The following CNOT11 variants were observed in gnomAD, a reference collection of about 807,000 sequenced individuals.
CNOT11 encodes the protein CCR4-NOT transcription complex subunit 11, also known as UPF0760 protein C2orf29.
CNOT11 carries 18 observed loss-of-function variants against 44.6 expected under a neutral mutation model. The observed-to-expected ratio is 0.40, with a 90% CI of 0.28 to 0.60. The LOEUF is 0.60. CNOT11 is among the 20% of genes least tolerant of loss of function. CNOT11 has a pLI of 0.38. For synonymous variants in CNOT11, 291 were observed against 270.9 expected (o/e 1.07, Z -0.73); for missense variants, 513 against 677.0 (o/e 0.76, Z 2.69).
intron 3 of CNOT11, among the ~76,000 whole-genome samples, chr2:101,263,126 CAGG>C (rs1237674970): frequency 6.6e-6 from 1 of 151,760 alleles, no homozygotes; most frequent in Non-Finnish European, 1.5e-5. Context: ...GAGGCTGAGT[CAGG>C]AGAATTGCTG....
At chr2:101,259,785 C>A (rs1251739936) in intron 2 of CNOT11, among the ~76,000 whole-genome samples, 2 of 152,260 alleles carry the variant, frequency 1.3e-5, no homozygotes, top group South Asian at 2.1e-4. Flanking sequence ...TACCTATAAT[C>A]CCAGCAGTTT....
intron 2 of CNOT11, among the ~76,000 whole-genome samples, chr2:101,259,039 T>A (rs1401408935): frequency 6.6e-6 from 1 of 151,618 alleles, no homozygotes; most frequent in Non-Finnish European, 1.5e-5. Flanking sequence ...GAGGCTTAAG[T>A]GGGAGAATCA....
At chr2:101,262,370 A>G in intron 2 of CNOT11, 169 bp from the exon 3 acceptor site, 1 of 564,214 alleles carries the variant, frequency 1.8e-6, no homozygotes, top group African/African-American at 1.9e-5. Context: ...GAACCTTTCA[A>G]CAACGCTAAG....
In CNOT11 at chr2:101,262,302, A is replaced by T. The variant is rs1350011207; in HGVS notation, c.680-237A>T. On this transcript the variant is annotated intron_variant, in intron 2 of 6. Transcript: ENST00000289382. ...TGTTTCATCAACATTGTTTTATTAT[A>T]ACATTGATAAAAATAGTTGTTTTGT... 6.5e-6 allele frequency: 3 copies of T among 459,098 alleles called. 1 individual carries two copies. The Admixed American group carries it at 1.1e-4, about 16-fold the overall frequency. The allele number at this position is 459,098 out of a possible 1,614,324, so 28.4% of individuals were successfully genotyped here.
At chr2:101,255,809 G>A (rs1046611068) in intron 1 of CNOT11, among the ~76,000 whole-genome samples, 3 of 152,148 alleles carry the variant, frequency 2.0e-5, no homozygotes, top group African/African-American at 7.2e-5. Flanking sequence ...ATGCAGGAGG[G>A]AGGGCAGGAG....
At position 101,266,916 on chromosome 2, in the gene CNOT11, A is replaced by G. The variant is rs776621134; in HGVS notation, c.1238+37A>G. On this transcript the variant is annotated intron_variant, in intron 5 of 6. Coordinates refer to ENST00000289382, the MANE Select transcript of CNOT11 (RefSeq NM_017546.5). The stretch of plus-strand genomic sequence containing the variant: ...GATTTGATCAAATGTGTGGGGATAG[A>G]TACAGATTAGATGGCCAGGAAAGAA... 17 of 1,500,344 alleles carry G rather than the reference A, an allele frequency of 1.1e-5. No individual in the cohort carries two copies. In the Middle Eastern group the frequency reaches 6.8e-4, roughly 60 times the overall value. The allele number at this position is 1,500,344 out of a possible 1,614,324, so 92.9% of individuals were successfully genotyped here.
At chr2:101,259,552 A>C (rs1681806089) in intron 2 of CNOT11, among the ~76,000 whole-genome samples, 1 of 152,204 alleles carries the variant, frequency 6.6e-6, no homozygotes, top group South Asian at 2.1e-4. Flanking sequence ...CTCAACAGGG[A>C]AATTGTAATA....
At chr2:101,268,494 C>T (rs772508690) in intron 5 of CNOT11, among the ~76,000 whole-genome samples, 1 of 152,202 alleles carries the variant, frequency 6.6e-6, no homozygotes, top group African/African-American at 2.4e-5. Context: ...ACGTGAAACA[C>T]GTTTTTTGGC....
Position 101,269,450 on chromosome 2 carries a change from G to C in CNOT11, c.*37G>C. ...AACCATCCCATCCATTCACTGTTCAGCTGTACTGTGATTTAGTTTTTACAC... is the reference window on the plus strand; with the variant it reads ...AACCATCCCATCCATTCACTGTTCACCTGTACTGTGATTTAGTTTTTACAC... On this transcript the variant is annotated 3_prime_UTR_variant, in exon 7 of 7. Transcript: ENST00000289382. The surrounding 1 kb of genome is among the most constrained non-coding windows in gnomAD (Gnocchi z 4.8). The C allele has an allele frequency of 6.3e-7, 1 of 1,581,036 alleles. No homozygotes were observed.
chr2:101,259,071 CT>C (rs150747348), intron 2 of CNOT11, among the ~76,000 whole-genome samples: 4,711 of 152,000 alleles, frequency 0.031, 94 homozygotes, highest in Non-Finnish European at 0.048. Context: ...GAGATCGAGG[CT>C]GCAGTGAGCT....
Position 101,252,928 on chromosome 2 carries a change from C to A in CNOT11, c.-37C>A. 1 of 1,401,708 alleles carries A rather than the reference C, an allele frequency of 7.1e-7. No individual in the cohort carries two copies. Among genetic ancestry groups the A allele is most frequent in the South Asian group, 1.6e-5 (1 of 64,492 alleles). 86.8% of individuals were successfully genotyped at this position (1,401,708 alleles called of 1,614,324 possible). ...GGACGGAGCGAGCCGGCGCCAGGGC[C>A]CCTCGGGCCGGGAAGAGGGGAAGGG... On this transcript the variant is annotated 5_prime_UTR_variant, in exon 1 of 7. Transcript: ENST00000289382.
intron 1 of CNOT11, among the ~76,000 whole-genome samples, chr2:101,257,566 T>C (rs1264243957): frequency 6.6e-6 from 1 of 152,172 alleles, no homozygotes; most frequent in African/African-American, 2.4e-5. Context: ...AGTTAACAAG[T>C]ACAAAAACCT....
intron 1 of CNOT11, among the ~76,000 whole-genome samples, chr2:101,254,421 C>T (rs574345932): frequency 5.3e-5 from 8 of 152,160 alleles, no homozygotes; most frequent in East Asian, 1.9e-4. Context: ...GTGTTCCTGC[C>T]GGGCATCCCA....
At chr2:101,262,458 CAGATAGCTTGCCTCAGTTGGT>C in intron 2 of CNOT11, 60 bp from the exon 3 acceptor site, 1 of 1,301,666 alleles carries the variant, frequency 7.7e-7, no homozygotes, top group South Asian at 1.2e-5. Flanking sequence ...TTCTCTGTTA[CAGATAGCTTGCCTCAGTTGGT>C]AGCTTGTCTT....
intron 1 of CNOT11, 140 bp from the exon 2 acceptor site, chr2:101,257,651 G>C (rs1456617245): frequency 1.6e-5 from 10 of 618,664 alleles, no homozygotes; most frequent in Non-Finnish European, 2.3e-5. Context: ...GTATATATTT[G>C]GTTGACTGAA....
intron 2 of CNOT11, among the ~76,000 whole-genome samples, chr2:101,261,851 T>TC (rs1189330965): frequency 7.0e-6 from 1 of 142,456 alleles, no homozygotes; most frequent in Non-Finnish European, 1.5e-5. Context: ...TTTCTTTTTT[T>TC]TTTTTTTTTT....
At chr2:101,266,605 C>G in intron 4 of CNOT11, 72 bp from the exon 5 acceptor site, 1 of 1,151,480 alleles carries the variant, frequency 8.7e-7, no homozygotes, top group Non-Finnish European at 1.3e-6. Context: ...ATTTCATATA[C>G]ATGGGAAAAA....
chr2:101,253,023 G>C lies in CNOT11; in HGVS notation c.59G>C (p.Arg20Thr), dbSNP rs774406322. The C allele has an allele frequency of 6.6e-7, 1 of 1,512,308 alleles. No individual in the cohort carries two copies. Among genetic ancestry groups the C allele is most frequent in the Non-Finnish European group, 8.8e-7 (1 of 1,136,682 alleles). 93.7% of individuals were successfully genotyped at this position (1,512,308 alleles called of 1,614,324 possible). ...CGGCTTCTCACCGCCGCGGAGCAAA[G>C]AGGGTCCCGGGAAGCGGCAGGGTCG... ...SGRLLTAAEQ[R>T]GSREAAGSAS... The change falls in exon 1 of 7, where the codon AGA becomes ACA. Residue 20 changes from arginine (R) to threonine (T), a missense_variant. Physicochemically the swap from Arg to Thr is moderately conservative, Grantham distance 71. Coordinates refer to ENST00000289382, the MANE Select transcript of CNOT11 (RefSeq NM_017546.5). This position sits in a 1 kb window ranked among gnomAD's most constrained non-coding sequence, Gnocchi z 4.3.
Position 101,253,841 on chromosome 2 carries a change from G to GT in CNOT11, c.514+368dup, listed in dbSNP as rs1480108357. 6.6e-6 allele frequency among the ~76,000 whole-genome samples: 1 copy of GT among 152,182 alleles called. No individual in the cohort carries two copies. Among genetic ancestry groups the GT allele is most frequent in the East Asian group, 1.9e-4 (1 of 5,198 alleles). ...AATGATAAGACTGGATCTGTCCCCGGTTTTTAGTCTCAAAGGAGTACGTGG... is the reference window on the plus strand; with the variant it reads ...AATGATAAGACTGGATCTGTCCCCGGTTTTTTAGTCTCAAAGGAGTACGTGG... On this transcript the variant is annotated intron_variant, in intron 1 of 6. Transcript: ENST00000289382. The surrounding 1 kb of genome is among the most constrained non-coding windows in gnomAD (Gnocchi z 4.3).
Sources: allele counts gnomAD v4.1 joint callset (sites outside exome capture counted in the v4.1 genomes callset), GRCh38; gene constraint gnomAD v4.1.1; non-coding constraint Gnocchi (gnomAD v3.1); transcripts MANE v1.5; gene names NCBI Gene and HGNC (gene_info 2026-07-23, HGNC 2026-07-21).